The following GPC6 variants were observed in gnomAD, a reference collection of about 807,000 sequenced individuals.
The protein encoded by GPC6 is glypican 6, also known as glypican-6.
GPC6 carries 14 observed loss-of-function variants against 55.2 expected under a neutral mutation model. The ratio of observed to expected loss-of-function variants is 0.25; its 90% confidence interval spans 0.17 to 0.40. The LOEUF is 0.40. Ranked by LOEUF, GPC6 falls within the 10% of genes least tolerant of loss-of-function variation. The pLI is 1.00. For synonymous variants in GPC6, 278 were observed against 259.6 expected (o/e 1.07, Z -0.68); for missense variants, 641 against 708.5 (o/e 0.90, Z 1.08).
At chr13:93,728,430 A>G (rs1052879958) in intron 2 of GPC6, among the ~76,000 whole-genome samples, 1 of 151,264 alleles carries the variant, frequency 6.6e-6, no homozygotes, top group Non-Finnish European at 1.5e-5. Flanking sequence ...TTGTAGAGAC[A>G]GGGTCTCACT....
intron 3 of GPC6, among the ~76,000 whole-genome samples, chr13:94,017,904 C>G (rs1312892855): frequency 6.6e-6 from 1 of 152,038 alleles, no homozygotes; most frequent in Admixed American, 6.6e-5. Flanking sequence ...TCTTGAACTC[C>G]TGACCTTGTG....
chr13:93,768,136 C>A (rs763207631), intron 2 of GPC6, among the ~76,000 whole-genome samples: 3 of 152,136 alleles, frequency 2.0e-5, no homozygotes, highest in Admixed American at 6.5e-5. Flanking sequence ...AAGGCACAGA[C>A]CTGAGTGCTT....
At chr13:94,134,994 T>C (rs1887131786) in intron 4 of GPC6, among the ~76,000 whole-genome samples, 1 of 152,146 alleles carries the variant, frequency 6.6e-6, no homozygotes, top group African/African-American at 2.4e-5. Flanking sequence ...ACAGAAACAT[T>C]GGCACTAACA....
chr13:93,492,889 A>T (rs915593885), intron 1 of GPC6, among the ~76,000 whole-genome samples: 3 of 145,480 alleles, frequency 2.1e-5, no homozygotes, highest in Non-Finnish European at 3.0e-5. Context: ...ATCATGGTGG[A>T]TAAGCTTTTT....
At chr13:93,479,740 A>G (rs1364158034) in intron 1 of GPC6, among the ~76,000 whole-genome samples, 2 of 152,200 alleles carry the variant, frequency 1.3e-5, no homozygotes, top group Non-Finnish European at 2.9e-5. Flanking sequence ...TACCTTTAGG[A>G]TCACTTGCCG....
chr13:93,748,726 A>C (rs898091080), intron 2 of GPC6, among the ~76,000 whole-genome samples: 1 of 152,146 alleles, frequency 6.6e-6, no homozygotes, highest in Non-Finnish European at 1.5e-5. Flanking sequence ...ACAATACTTT[A>C]TTAATTGTCC....
the GPC6 span, among the ~76,000 whole-genome samples, chr13:93,218,374 C>A: frequency 1.3e-5 from 2 of 152,120 alleles, no homozygotes; most frequent in Admixed American, 6.6e-5. Flanking sequence ...AGGATGTCAG[C>A]CTTACATGTT....
chr13:93,243,838 T>C (rs1228913925), intron 1 of GPC6, among the ~76,000 whole-genome samples: 2 of 152,116 alleles, frequency 1.3e-5, no homozygotes, highest in African/African-American at 4.8e-5. Flanking sequence ...TGGGCTGTGC[T>C]GGGTGAAGTC....
intron 2 of GPC6, among the ~76,000 whole-genome samples, chr13:93,622,033 C>T (rs2139558182): frequency 6.6e-6 from 1 of 152,258 alleles, no homozygotes; most frequent in Non-Finnish European, 1.5e-5. Context: ...GACACCCTTC[C>T]CAGCTTCTGG....
chr13:93,712,389 G>C (rs1392451996), intron 2 of GPC6, among the ~76,000 whole-genome samples: 1 of 151,672 alleles, frequency 6.6e-6, no homozygotes, highest in Non-Finnish European at 1.5e-5. Flanking sequence ...ATGCAGGGAG[G>C]TAGCACGCAT....
intron 4 of GPC6, among the ~76,000 whole-genome samples, chr13:94,041,503 GATCTTTTT>G (rs1883531999): frequency 6.6e-6 from 1 of 151,764 alleles, no homozygotes; most frequent in Non-Finnish European, 1.5e-5. Flanking sequence ...TACCACGTGT[GATCTTTTT>G]ATGCTTCCAG....
At chr13:94,386,812 C>T (rs9589989) in intron 7 of GPC6, among the ~76,000 whole-genome samples, 3,400 of 152,130 alleles carry the variant, frequency 0.022, 135 homozygotes, top group African/African-American at 0.075. Flanking sequence ...TGTTTGTACC[C>T]GCTCCTGCAG....
chr13:93,578,272 T>G (rs570701444), intron 2 of GPC6, among the ~76,000 whole-genome samples: 1 of 152,102 alleles, frequency 6.6e-6, no homozygotes, highest in Non-Finnish European at 1.5e-5. Context: ...AGAGTTTCAG[T>G]AGAATAGGTA....
chr13:93,930,275 G>GTTTTTTTTTTTTTTTTTTTTTTTTTTTT (rs35858695), intron 3 of GPC6, among the ~76,000 whole-genome samples: 6 of 123,854 alleles, frequency 4.8e-5, no homozygotes, highest in African/African-American at 1.9e-4. Flanking sequence ...GAAACGAAAG[G>GTTTTTTTTTTTTTTTTTTTTTTTTTTTT]TTTTTTTTTT....
At chr13:93,850,054 G>T (rs1333801584) in intron 3 of GPC6, among the ~76,000 whole-genome samples, 1 of 152,004 alleles carries the variant, frequency 6.6e-6, no homozygotes, top group South Asian at 2.1e-4. Flanking sequence ...AAAGGCTGTT[G>T]TCATGAATGA....
intron 3 of GPC6, among the ~76,000 whole-genome samples, chr13:93,855,764 A>G (rs1357751567): frequency 6.6e-6 from 1 of 151,590 alleles, no homozygotes; most frequent in Non-Finnish European, 1.5e-5. Flanking sequence ...TTCCCTGATG[A>G]CATATGATGT....
chr13:93,538,142 GA>G (rs966742943), intron 1 of GPC6, among the ~76,000 whole-genome samples: 21 of 149,074 alleles, frequency 1.4e-4, no homozygotes, highest in African/African-American at 2.7e-4. Context: ...GGTTTATGTG[GA>G]AAAAAAAAAT....
chr13:94,304,554 C>A (rs186212207), intron 5 of GPC6, among the ~76,000 whole-genome samples: 3 of 152,260 alleles, frequency 2.0e-5, no homozygotes, highest in Admixed American at 6.5e-5. Flanking sequence ...GGAAAAATAT[C>A]TAGAAAAATC....
At chr13:93,247,412 C>T (rs1876640952) in intron 1 of GPC6, among the ~76,000 whole-genome samples, 2 of 152,142 alleles carry the variant, frequency 1.3e-5, no homozygotes, top group African/African-American at 4.8e-5. Flanking sequence ...ATTAGCTTCT[C>T]CTCCAACTAT....
Sources: gnomAD v4.1 joint callset for allele counts (sites outside exome capture counted in the v4.1 genomes callset) on GRCh38, gnomAD v4.1.1 for gene constraint, MANE v1.5 for transcripts, NCBI Gene and HGNC (gene_info 2026-07-23, HGNC 2026-07-21) for gene names.